The following SH2B2 variants were observed in gnomAD, a reference collection of about 807,000 sequenced individuals.
The protein encoded by SH2B2 is SH2B adapter protein 2.
Under a neutral mutation model 35.7 loss-of-function variants are expected in SH2B2, and 37 were observed. The observed-to-expected ratio is 1.04, with a 90% CI of 0.80 to 1.36. SH2B2 has a LOEUF of 1.36. SH2B2 is among the 40% of genes most tolerant of loss of function. The probability of loss-of-function intolerance (pLI) is 0.00; values close to 1 mark genes in which losing one functional copy is unlikely to be tolerated. For missense variants in SH2B2, 852 were observed against 817.7 expected (o/e 1.04, Z -0.51); for synonymous variants, 383 against 376.4 (o/e 1.02, Z -0.20).
intron 1 of SH2B2, among the ~76,000 whole-genome samples, chr7:102,292,634 G>A (rs1412783239): frequency 9.4e-5 from 7 of 74,202 alleles, no homozygotes; most frequent in Non-Finnish European, 1.9e-4. Context: ...GGAGTTCAAG[G>A]CTGCAGTGAG....
chr7:102,314,559 G>A lies in SH2B2; in HGVS notation c.1063G>A (p.Val355Met). 1 of 398,740 alleles carries A rather than the reference G, an allele frequency of 2.5e-6. No individual in the cohort carries two copies. The highest frequency in any genetic ancestry group is 4.4e-6 in the Non-Finnish European group (1 of 226,190). The allele number at this position is 398,740 out of a possible 1,614,324, so 24.7% of individuals were successfully genotyped here. The change falls in exon 6 of 9, where the codon GTG becomes ATG. Residue 355 changes from valine to methionine, a missense_variant. Val to Met is a conservative substitution (Grantham distance 21). Around this residue, in one of 3 missense-constraint regions of SH2B2, gnomAD observed 556 missense variants for 514.5 expected, o/e 1.08. Transcript: ENST00000444095. ...PPETTAVGAV[V>M]TAPHSRGRDA... is the part of the protein sequence containing the mutation. ...AGAGACGACAGCCGTGGGTGCAGTG[G>A]TGACAGCCCCCCACAGCCGAGGTCG...
Position 102,317,362 on chromosome 7 carries a change from C to G in SH2B2, c.1362C>G (p.Tyr454Ter), listed in dbSNP as rs374496645. The G allele has an allele frequency of 1.3e-6, 2 of 1,595,226 alleles. No homozygotes were observed. Among genetic ancestry groups the G allele is most frequent in the Admixed American group, 1.7e-5 (1 of 59,274 alleles). ...IRQSETRPGE[Y>*]VLTFNFQGKA... Reference sequence around the variant, plus strand: ...AAAGTGAGACTCGGCCTGGGGAGTACGTGCTGACCTTCAACTTCCAGGGCA... The same window carrying G: ...AAAGTGAGACTCGGCCTGGGGAGTAGGTGCTGACCTTCAACTTCCAGGGCA... The change falls in exon 7 of 9, where the codon TAC becomes TAG. Residue 454 changes from tyrosine (Y) to a stop codon, truncating the protein, a stop_gained. Transcript: ENST00000444095. LOFTEE classifies it high-confidence loss of function.
intron 2 of SH2B2, among the ~76,000 whole-genome samples, chr7:102,306,100 C>T (rs78360232): frequency 1.3e-5 from 2 of 150,478 alleles, no homozygotes; most frequent in African/African-American, 2.4e-5. Context: ...GTTTTTTTTT[C>T]TGTGAAACGG....
chr7:102,313,768 C>A lies in SH2B2; in HGVS notation c.924-568C>A, dbSNP rs1009402514. Among the ~76,000 whole-genome samples the A allele has an allele frequency of 3.6e-4, 55 of 151,032 alleles. No homozygotes were observed. In the East Asian group the frequency reaches 0.011, roughly 30 times the overall value. On this transcript the variant is annotated intron_variant, in intron 4 of 8. Coordinates refer to ENST00000444095, the MANE Select transcript of SH2B2 (RefSeq NM_001359228.2). ...CTACTAAAAATACAAAAAAATTAGCCGGGCATGGTGGCAGATGCCTGTAAT... is the reference window on the plus strand; with the variant it reads ...CTACTAAAAATACAAAAAAATTAGCAGGGCATGGTGGCAGATGCCTGTAAT...
chr7:102,297,796 G>A lies in SH2B2; in HGVS notation c.-29-2726G>A, dbSNP rs1161603278. Among the ~76,000 whole-genome samples the A allele has an allele frequency of 2.0e-5, 3 of 152,158 alleles. No individual in the cohort carries two copies. The highest frequency in any genetic ancestry group is 7.2e-5 in the African/African-American group (3 of 41,424). On this transcript the variant is annotated intron_variant, in intron 1 of 8. Transcript: ENST00000444095. This position sits in a 1 kb window ranked among gnomAD's most constrained non-coding sequence, Gnocchi z 4.3. ...CCTTGTGAAACTGGCATTCTCGGGG[G>A]AAGGGGGTGGAGGGGACACACAACC... is the stretch of plus-strand genomic sequence containing the variant.
At chr7:102,289,471 G>A (rs183850293) in intron 1 of SH2B2, among the ~76,000 whole-genome samples, 9 of 152,262 alleles carry the variant, frequency 5.9e-5, no homozygotes. Flanking sequence ...TCTGTGCAGA[G>A]GACAGGCAGG....
In SH2B2 at chr7:102,300,696, A is replaced by AC. The variant is rs1793123026; in HGVS notation, c.149dup (p.Ala51SerfsTer208). 6.5e-7 allele frequency: 1 copy of AC among 1,544,700 alleles called. No individual in the cohort carries two copies. Among genetic ancestry groups the AC allele is most frequent in the African/African-American group, 1.4e-5 (1 of 72,790 alleles). The stretch of plus-strand genomic sequence containing the variant: ...AAGTTCTGCCGTTTCCTGCGGGACA[A>AC]CCCAGCTTACGACACGCCCGACGCC... On this transcript the variant is annotated frameshift_variant, in exon 2 of 9. Coordinates refer to ENST00000444095, the MANE Select transcript of SH2B2 (RefSeq NM_001359228.2). LOFTEE classifies it high-confidence loss of function.
In SH2B2 at chr7:102,314,530, C is replaced by T. The variant is rs1793744259; in HGVS notation, c.1034C>T (p.Pro345Leu). 2.5e-6 allele frequency: 1 copy of T among 398,792 alleles called. No individual in the cohort carries two copies. Among genetic ancestry groups the T allele is most frequent in the Non-Finnish European group, 4.4e-6 (1 of 226,236 alleles). 24.7% of individuals were successfully genotyped at this position (398,792 alleles called of 1,614,324 possible). The stretch of plus-strand genomic sequence containing the variant: ...TCCCCAGCAGTCGACCTGCCCCGCC[C>T]CCCAGAGACGACAGCCGTGGGTGCA... ...LLTDAVDLPRPPETTAVGAVV... is the reference protein window; with the variant it reads ...LLTDAVDLPRLPETTAVGAVV... Residue 345 changes from proline to leucine, a missense_variant, in exon 6 of 9, where the codon CCC becomes CTC. Physicochemically the swap from Pro to Leu is moderately conservative, Grantham distance 98. This residue lies in a region of SH2B2 where 556 missense variants were observed against 514.5 expected (regional missense o/e 1.08). Coordinates refer to ENST00000444095, the MANE Select transcript of SH2B2 (RefSeq NM_001359228.2).
At chr7:102,304,633 C>G (rs1793320888) in intron 2 of SH2B2, among the ~76,000 whole-genome samples, 1 of 152,224 alleles carries the variant, frequency 6.6e-6, no homozygotes, top group South Asian at 2.1e-4. Context: ...GTGGCTGGAG[C>G]AGGTGGGAGG....
At chr7:102,317,863 AC>A (rs1554557424) in intron 7 of SH2B2, among the ~76,000 whole-genome samples, 1 of 151,716 alleles carries the variant, frequency 6.6e-6, no homozygotes, top group Non-Finnish European at 1.5e-5. Flanking sequence ...TAGGTCACCA[AC>A]CCCTGAGGAA....
rs1554552640 is a variant in SH2B2, at chr7:102,297,317, T to C, written c.-29-3205T>C. ...GCTCGTGCCTGTAATTTCAGCACTT[T>C]GGGAGGCCAAGGCCAGAGGATTGCT... On this transcript the variant is annotated intron_variant, in intron 1 of 8. Transcript: ENST00000444095. This position sits in a 1 kb window ranked among gnomAD's most constrained non-coding sequence, Gnocchi z 4.3. Among the ~76,000 whole-genome samples the C allele has an allele frequency of 6.6e-6, 1 of 151,876 alleles. No homozygotes were observed. Among genetic ancestry groups the C allele is most frequent in the Non-Finnish European group, 1.5e-5 (1 of 67,986 alleles).
chr7:102,288,517 T>G (rs1191403645), intron 1 of SH2B2, among the ~76,000 whole-genome samples: 2 of 152,042 alleles, frequency 1.3e-5, no homozygotes, highest in East Asian at 1.9e-4. Flanking sequence ...CACGCTTTTC[T>G]TTTTACCCTT....
At chr7:102,304,483 C>T (rs1304074434) in intron 2 of SH2B2, among the ~76,000 whole-genome samples, 2 of 152,290 alleles carry the variant, frequency 1.3e-5, no homozygotes, top group African/African-American at 2.4e-5. Context: ...GGGTGAGCCC[C>T]GGAGGAAAAG....
chr7:102,298,914 C>CTTTTTTTTTTT (rs1182008499), intron 1 of SH2B2, among the ~76,000 whole-genome samples: 2 of 93,386 alleles, frequency 2.1e-5, no homozygotes, highest in African/African-American at 4.5e-5. Context: ...TCTTTCTTCT[C>CTTTTTTTTTTT]TTTTTTTTTT....
chr7:102,311,707 G>C (rs1190198619), intron 4 of SH2B2, among the ~76,000 whole-genome samples: 1 of 151,782 alleles, frequency 6.6e-6, no homozygotes, highest in Non-Finnish European at 1.5e-5. Context: ...AGCTGCACAA[G>C]GCAGATTAAT....
In SH2B2 at chr7:102,300,779, G is replaced by T; in HGVS notation, c.229G>T (p.Val77Leu). The T allele has an allele frequency of 6.6e-7, 1 of 1,519,250 alleles. No homozygotes were observed. The highest frequency in any genetic ancestry group is 1.2e-5 in the South Asian group (1 of 81,334). The allele number at this position is 1,519,250 out of a possible 1,614,324, so 94.1% of individuals were successfully genotyped here. A position where few individuals can be genotyped will look rare whatever the true frequency, so the allele number is the denominator to read the frequency against. Reference protein sequence around the residue: ...ANFLDVFGEEVRRVLVAGPTT... With the variant: ...ANFLDVFGEELRRVLVAGPTT... ...CTTCCTGGACGTCTTCGGCGAGGAG[G>T]TGCGCCGCGTGCTGGTGGCTGGGCC... The change falls in exon 2 of 9, where the codon GTG becomes TTG. Residue 77 changes from valine (V) to leucine (L), a missense_variant. Coordinates refer to ENST00000444095, the MANE Select transcript of SH2B2 (RefSeq NM_001359228.2).
intron 6 of SH2B2, among the ~76,000 whole-genome samples, chr7:102,316,433 A>G (rs1439792882): frequency 1.3e-5 from 2 of 152,010 alleles, no homozygotes. Flanking sequence ...CTAAAAATAC[A>G]AAAATTAGCC....
chr7:102,305,468 G>C (rs2132978842), intron 2 of SH2B2, among the ~76,000 whole-genome samples: 1 of 152,126 alleles, frequency 6.6e-6, no homozygotes, highest in Admixed American at 6.6e-5. Context: ...GTTTCATCAT[G>C]TTGCCCAGGC....
chr7:102,302,783 T>TGGC (rs1246983362), intron 2 of SH2B2, among the ~76,000 whole-genome samples: 7 of 152,288 alleles, frequency 4.6e-5, no homozygotes, highest in Non-Finnish European at 8.8e-5. Context: ...CAGGACATGG[T>TGGC]GGCGCGCACC....
Sources: gnomAD v4.1 joint callset for allele counts (sites outside exome capture counted in the v4.1 genomes callset) on GRCh38, gnomAD v4.1.1 for gene constraint, gnomAD v4.1.1 regional missense constraint, Gnocchi (gnomAD v3.1) non-coding constraint, MANE v1.5 for transcripts, NCBI Gene and HGNC (gene_info 2026-07-23, HGNC 2026-07-21) for gene names.